NDUFS4: variants seen among roughly 807,000 people sequenced by gnomAD.
The protein encoded by NDUFS4 is NADH:ubiquinone oxidoreductase subunit S4, also known as NADH dehydrogenase [ubiquinone] iron-sulfur protein 4, mitochondrial.
In NDUFS4, 28 loss-of-function variants were observed where a neutral mutation model predicts 24.3. The ratio of observed to expected loss-of-function variants is 1.15; its 90% CI spans 0.85 to 1.58. NDUFS4 has a LOEUF of 1.58. Ranked by LOEUF, NDUFS4 falls within the 40% of genes most tolerant of loss-of-function variation. The pLI, the probability that NDUFS4 is intolerant of heterozygous loss-of-function variation, is 0.00. For synonymous variants in NDUFS4, 93 were observed against 69.7 expected (o/e 1.34, Z -1.67); for missense variants, 223 against 207.9 (o/e 1.07, Z -0.45).
intron 4 of NDUFS4, among the ~76,000 whole-genome samples, chr5:53,674,628 A>T (rs536419623): frequency 6.6e-6 from 1 of 152,218 alleles, no homozygotes; most frequent in Non-Finnish European, 1.5e-5. Context: ...AATTAAAAAA[A>T]TAAGAGATCT....
chr5:53,617,426 C>T (rs1351473543), intron 2 of NDUFS4, among the ~76,000 whole-genome samples: 1 of 152,024 alleles, frequency 6.6e-6, no homozygotes, highest in Non-Finnish European at 1.5e-5. Flanking sequence ...CCACCTTATT[C>T]CCTTCCATTT....
At chr5:53,593,822 T>G (rs1316891298) in intron 1 of NDUFS4, among the ~76,000 whole-genome samples, 1 of 152,102 alleles carries the variant, frequency 6.6e-6, no homozygotes, top group African/African-American at 2.4e-5. Flanking sequence ...TTTAGAAGTG[T>G]ATTGTTTGAT....
intron 1 of NDUFS4, among the ~76,000 whole-genome samples, chr5:53,603,238 C>T (rs1427914090): frequency 6.6e-6 from 1 of 152,108 alleles, no homozygotes; most frequent in South Asian, 2.1e-4. Flanking sequence ...AAAGCGCAGC[C>T]TGTTGTGAAC....
At chr5:53,665,060 G>C (rs570563138) in intron 4 of NDUFS4, among the ~76,000 whole-genome samples, 1 of 152,200 alleles carries the variant, frequency 6.6e-6, no homozygotes, top group African/African-American at 2.4e-5. Context: ...AGGACCCTCA[G>C]CTGCAGGTCT....
intron 4 of NDUFS4, 21 bp from the exon 5 acceptor site, chr5:53,683,097 G>GTCTT (rs1740726163): frequency 3.4e-6 from 5 of 1,474,618 alleles, no homozygotes; most frequent in Non-Finnish European, 4.7e-6. Context: ...CTGTGGATTT[G>GTCTT]TCTTTGTTTT....
At chr5:53,565,763 A>G (rs1749000112) in intron 1 of NDUFS4, among the ~76,000 whole-genome samples, 2 of 152,254 alleles carry the variant, frequency 1.3e-5, no homozygotes. Context: ...ACAAGTGTTC[A>G]GACACTTCTT....
intron 4 of NDUFS4, among the ~76,000 whole-genome samples, chr5:53,662,539 T>G (rs986005631): frequency 1.3e-5 from 2 of 152,188 alleles, no homozygotes; most frequent in Non-Finnish European, 2.9e-5. Flanking sequence ...TCCTTCTTTT[T>G]CTATTGATTG....
chr5:53,568,680 T>TG (rs1749119576), intron 1 of NDUFS4, among the ~76,000 whole-genome samples: 1 of 152,178 alleles, frequency 6.6e-6, no homozygotes. Context: ...GCACAGCTGT[T>TG]GAACTCTGCC....
intron 2 of NDUFS4, among the ~76,000 whole-genome samples, chr5:53,642,066 G>A (rs1305818939): frequency 6.6e-6 from 1 of 152,142 alleles, no homozygotes. Flanking sequence ...GGCGTACTGA[G>A]AGATCTAGCA....
At chr5:53,569,172 A>T (rs1328988418) in intron 1 of NDUFS4, among the ~76,000 whole-genome samples, 1 of 152,140 alleles carries the variant, frequency 6.6e-6, no homozygotes, top group African/African-American at 2.4e-5. Flanking sequence ...TCTTCAATAT[A>T]CTTACAGGAA....
At chr5:53,657,621 C>T (rs947754841) in intron 3 of NDUFS4, among the ~76,000 whole-genome samples, 1 of 152,068 alleles carries the variant, frequency 6.6e-6, no homozygotes, top group Non-Finnish European at 1.5e-5. Context: ...CAGTGTTCCA[C>T]CTTGTTATAA....
chr5:53,595,549 C>T (rs1020300048), intron 1 of NDUFS4, among the ~76,000 whole-genome samples: 5 of 152,054 alleles, frequency 3.3e-5, no homozygotes, highest in Admixed American at 3.3e-4. Context: ...TCTTATTCTT[C>T]TCTCATGTAT....
intron 4 of NDUFS4, among the ~76,000 whole-genome samples, chr5:53,678,432 C>T (rs1740547359): frequency 6.6e-6 from 1 of 152,122 alleles, no homozygotes; most frequent in African/African-American, 2.4e-5. Context: ...GACGGCAGCA[C>T]TGGGAGCTTT....
Position 53,560,734 on chromosome 5 carries a change from C to G in NDUFS4, c.72C>G (p.Ala24=). The G allele has an allele frequency of 1.9e-6, 3 of 1,614,202 alleles. No individual in the cohort carries two copies. Among genetic ancestry groups the G allele is most frequent in the Non-Finnish European group, 2.5e-6 (3 of 1,180,032 alleles). The change falls in exon 1 of 5, where the codon GCC becomes GCG. Residue 24 remains alanine, a synonymous_variant. Transcript: ENST00000296684. ...GGAGAAGGGCAGTGGCTGTAGCTGC[C>G]CTTTCCGTTTCCAGGGTTCCGACCA... ...LWRRRAVAVA[A]LSVSRVPTRS...
intron 1 of NDUFS4, 55 bp downstream of exon 1, chr5:53,560,815 G>A: frequency 6.2e-7 from 1 of 1,611,508 alleles, no homozygotes; most frequent in Admixed American, 1.7e-5. Flanking sequence ...CATTTTTGCG[G>A]AGTCTCTGCT....
At chr5:53,603,893 A>G (rs1028720504) in intron 2 of NDUFS4, among the ~76,000 whole-genome samples, 2 of 152,142 alleles carry the variant, frequency 1.3e-5, no homozygotes, top group Admixed American at 6.5e-5. Flanking sequence ...AAAACTAAAT[A>G]TATTAGGTTT....
At chr5:53,652,935 T>C (rs1265089766) in intron 3 of NDUFS4, among the ~76,000 whole-genome samples, 1 of 150,228 alleles carries the variant, frequency 6.7e-6, no homozygotes, top group Non-Finnish European at 1.5e-5. Flanking sequence ...TGGTTATTAA[T>C]CTCTTTTTTT....
At chr5:53,570,170 A>G (rs911624991) in intron 1 of NDUFS4, among the ~76,000 whole-genome samples, 1 of 152,170 alleles carries the variant, frequency 6.6e-6, no homozygotes, top group Non-Finnish European at 1.5e-5. Context: ...CATTACCCCA[A>G]GACTCCCTCA....
chr5:53,662,945 T>C (rs1172956999), intron 4 of NDUFS4, among the ~76,000 whole-genome samples: 4 of 152,182 alleles, frequency 2.6e-5, no homozygotes, highest in Non-Finnish European at 5.9e-5. Context: ...TCCTGCTTTC[T>C]CTTGTGGGCA....
Sources: gnomAD v4.1 joint callset for allele counts (sites outside exome capture counted in the v4.1 genomes callset) on GRCh38, gnomAD v4.1.1 for gene constraint, MANE v1.5 for transcripts, NCBI Gene and HGNC (gene_info 2026-07-23, HGNC 2026-07-21) for gene names.